Variants in CNTN3 observed in about 807,000 individuals in gnomAD.
CNTN3 encodes contactin 3, also known as contactin-3.
A neutral mutation model predicts 119.1 loss-of-function variants in CNTN3; 60 were observed. That is an observed-to-expected ratio of 0.50 (90% CI 0.41 to 0.62). The LOEUF (loss-of-function observed/expected upper bound fraction) is 0.62, where lower values mean the gene tolerates loss of function less well. Among genes scored for constraint, CNTN3 ranks in the 20% least tolerant of loss-of-function variants. CNTN3 has a pLI of 0.00. For missense variants in CNTN3, 1,101 were observed against 1,242.4 expected, an observed-to-expected ratio of 0.89 and a Z score of 1.71; for synonymous variants, 450 against 438.7, an observed-to-expected ratio of 1.03 and a Z score of -0.32.
At chr3:74,374,407 C>T (rs1475938491) in intron 5 of CNTN3, among the ~76,000 whole-genome samples, 2 of 151,900 alleles carry the variant, frequency 1.3e-5, no homozygotes, top group Non-Finnish European at 2.9e-5. Context: ...GTAACAGACT[C>T]TCCTCTGTAT....
intron 1 of CNTN3, among the ~76,000 whole-genome samples, chr3:74,546,042 C>A (rs1703910041): frequency 6.6e-6 from 1 of 152,012 alleles, no homozygotes; most frequent in Non-Finnish European, 1.5e-5. Flanking sequence ...GTCACCCAGG[C>A]TGGAGTGCAG....
At chr3:74,591,275 T>C (rs1704699014) in intron 1 of CNTN3, among the ~76,000 whole-genome samples, 1 of 152,002 alleles carries the variant, frequency 6.6e-6, no homozygotes, top group Non-Finnish European at 1.5e-5. Flanking sequence ...GTAATATCAA[T>C]GAGGTTTGAA....
At chr3:74,494,881 T>C (rs1361158634) in intron 3 of CNTN3, among the ~76,000 whole-genome samples, 2 of 152,156 alleles carry the variant, frequency 1.3e-5, no homozygotes, top group African/African-American at 2.4e-5. Context: ...CTTTATCATA[T>C]AGGTAATGCA....
At position 74,263,805 on chromosome 3, in the gene CNTN3, A is replaced by G. The variant is rs1342462911; in HGVS notation, c.*596T>C. The G allele has an allele frequency of 1.3e-5, 2 of 152,128 alleles. No individual in the cohort carries two copies. Among genetic ancestry groups the G allele is most frequent in the Non-Finnish European group, 2.9e-5 (2 of 68,000 alleles). The allele number at this position is 152,128 out of a possible 1,614,324, so 9.4% of individuals were successfully genotyped here. A position where few individuals can be genotyped will look rare whatever the true frequency, so the allele number is the denominator to read the frequency against. On this transcript the variant is annotated 3_prime_UTR_variant, in exon 23 of 23. Coordinates refer to ENST00000263665, the MANE Select transcript of CNTN3 (RefSeq NM_020872.3). ...ATAGAGGAATAATTGAGAGGTACAGATGGCAAAGTGATTTGTAAAGTCTTA... is the reference window on the plus strand; with the variant it reads ...ATAGAGGAATAATTGAGAGGTACAGGTGGCAAAGTGATTTGTAAAGTCTTA...
At chr3:74,515,296 GC>G (rs1703432180) in intron 2 of CNTN3, among the ~76,000 whole-genome samples, 1 of 151,926 alleles carries the variant, frequency 6.6e-6, no homozygotes, top group African/African-American at 2.4e-5. Flanking sequence ...CTCACACAGG[GC>G]CCACCTCTGA....
At chr3:74,522,307 G>A (rs1703554864) in intron 1 of CNTN3, among the ~76,000 whole-genome samples, 1 of 151,820 alleles carries the variant, frequency 6.6e-6, no homozygotes, top group Admixed American at 6.6e-5. Flanking sequence ...GAATGCCTAG[G>A]CATCACTCCC....
chr3:74,350,200 A>C (rs1043762967), intron 11 of CNTN3, among the ~76,000 whole-genome samples: 1 of 152,188 alleles, frequency 6.6e-6, no homozygotes, highest in African/African-American at 2.4e-5. Context: ...CTAAAAAAGA[A>C]AGGTCTGTAC....
At chr3:74,485,919 G>A (rs982774343) in intron 4 of CNTN3, among the ~76,000 whole-genome samples, 1 of 152,088 alleles carries the variant, frequency 6.6e-6, no homozygotes, top group Non-Finnish European at 1.5e-5. Context: ...GCTGTGCTGA[G>A]GGTAATTTGT....
intron 4 of CNTN3, among the ~76,000 whole-genome samples, chr3:74,473,017 C>T (rs1037484802): frequency 2.0e-5 from 3 of 151,764 alleles, no homozygotes; most frequent in Non-Finnish European, 4.4e-5. Flanking sequence ...CTTCAAACTT[C>T]TCTTTCCATG....
intron 22 of CNTN3, among the ~76,000 whole-genome samples, chr3:74,266,179 C>A (rs1701656996): frequency 6.6e-6 from 1 of 151,966 alleles, no homozygotes; most frequent in South Asian, 2.1e-4. Flanking sequence ...GGGAATTCTG[C>A]TTTTATAGGA....
At chr3:74,592,262 G>C (rs1704716153) in intron 1 of CNTN3, among the ~76,000 whole-genome samples, 1 of 151,796 alleles carries the variant, frequency 6.6e-6, no homozygotes, top group Non-Finnish European at 1.5e-5. Context: ...ATCAATGAGA[G>C]AGGAGAAGAA....
At chr3:74,585,076 C>T (rs758919328) in intron 1 of CNTN3, among the ~76,000 whole-genome samples, 11 of 152,094 alleles carry the variant, frequency 7.2e-5, no homozygotes, top group Non-Finnish European at 1.0e-4. Flanking sequence ...AGAGTGTTTC[C>T]ACCATTTTAT....
At chr3:74,458,401 C>T (rs1179692056) in intron 4 of CNTN3, among the ~76,000 whole-genome samples, 2 of 151,688 alleles carry the variant, frequency 1.3e-5, no homozygotes, top group Admixed American at 6.6e-5. Flanking sequence ...TTTTAAGTTG[C>T]TGGAAAAAAA....
chr3:74,496,222 C>T (rs974338693), intron 3 of CNTN3, among the ~76,000 whole-genome samples: 8 of 152,204 alleles, frequency 5.3e-5, no homozygotes, highest in East Asian at 1.9e-4. Context: ...TTCAGACTTA[C>T]GACTTACCTT....
intron 4 of CNTN3, among the ~76,000 whole-genome samples, chr3:74,457,154 T>A (rs144800833): frequency 3.3e-5 from 5 of 152,140 alleles, no homozygotes; most frequent in African/African-American, 1.2e-4. Context: ...TTTTGTAGAA[T>A]CCTTTGATAA....
At chr3:74,513,815 C>T (rs910814092) in intron 2 of CNTN3, among the ~76,000 whole-genome samples, 3 of 151,822 alleles carry the variant, frequency 2.0e-5, no homozygotes, top group Admixed American at 2.0e-4. Flanking sequence ...CTTTTGTCAC[C>T]CCTAGTCCTA....
At chr3:74,532,677 G>A (rs1158217266) in intron 1 of CNTN3, among the ~76,000 whole-genome samples, 2 of 151,954 alleles carry the variant, frequency 1.3e-5, no homozygotes, top group Non-Finnish European at 2.9e-5. Context: ...GCAGAATGGT[G>A]TGAGATTTCA....
chr3:74,355,213 A>G (rs771549105), intron 11 of CNTN3, among the ~76,000 whole-genome samples: 3 of 152,046 alleles, frequency 2.0e-5, no homozygotes, highest in Non-Finnish European at 2.9e-5. Context: ...CTGAATCCTA[A>G]CCTGGAAATC....
At chr3:74,588,163 T>C (rs1704631659) in intron 1 of CNTN3, among the ~76,000 whole-genome samples, 1 of 152,138 alleles carries the variant, frequency 6.6e-6, no homozygotes, top group Non-Finnish European at 1.5e-5. Flanking sequence ...AGCTTTTTGA[T>C]GTGCTGCTGG....
Sources: gnomAD v4.1 joint callset for allele counts (sites outside exome capture counted in the v4.1 genomes callset) on GRCh38, gnomAD v4.1.1 for gene constraint, MANE v1.5 for transcripts, NCBI Gene and HGNC (gene_info 2026-07-23, HGNC 2026-07-21) for gene names.